NCAPH: variants seen among roughly 807,000 people sequenced by gnomAD.
NCAPH encodes the protein non-SMC condensin I complex subunit H.
Under a neutral mutation model 85.5 loss-of-function variants are expected in NCAPH, and 38 were observed. The ratio of observed to expected loss-of-function variants is 0.44; its 90% confidence interval spans 0.34 to 0.58. The LOEUF is 0.58. NCAPH is among the 20% of genes least tolerant of loss of function. NCAPH has a pLI of 0.01. For synonymous variants in NCAPH, 301 were observed against 335.1 expected, an observed-to-expected ratio of 0.90 and a Z score of 1.11; for missense variants, 789 against 916.6, an observed-to-expected ratio of 0.86 and a Z score of 1.80.
intron 9 of NCAPH, 81 bp from the exon 10 acceptor site, chr2:96,358,964 C>T: frequency 9.5e-6 from 13 of 1,372,838 alleles, no homozygotes; most frequent in Non-Finnish European, 1.3e-5. Context: ...AGAAATGCAG[C>T]TCATTTGCGG....
intron 8 of NCAPH, 136 bp downstream of exon 8, chr2:96,353,533 G>A (rs2064478979): frequency 4.0e-6 from 3 of 757,354 alleles, no homozygotes. Flanking sequence ...ACTTCTGTAG[G>A]GACAAAAACC....
At position 96,359,085 on chromosome 2, in the gene NCAPH, A is replaced by C; in HGVS notation, c.1249A>C (p.Met417Leu). 1 of 1,614,202 alleles carries C rather than the reference A, an allele frequency of 6.2e-7. No homozygotes were observed. Among genetic ancestry groups the C allele is most frequent in the Non-Finnish European group, 8.5e-7 (1 of 1,180,026 alleles). Residue 417 changes from methionine to leucine, a missense_variant, in exon 10 of 18, where the codon ATG becomes CTG. By Grantham distance (15) the Met-to-Leu change is conservative. Coordinates refer to ENST00000240423, the MANE Select transcript of NCAPH (RefSeq NM_015341.5). ...CCTTGGGGATGGAGACATCAGGACCATGTGCCCCCTTCTGTCTATGAAACC... is the reference window on the plus strand; with the variant it reads ...CCTTGGGGATGGAGACATCAGGACCCTGTGCCCCCTTCTGTCTATGAAACC... ...ISLGDGDIRT[M>L]CPLLSMKPGE...
At chr2:96,344,356 T>A (rs2064336373) in intron 6 of NCAPH, 127 bp downstream of exon 6, 1 of 1,012,572 alleles carries the variant, frequency 9.9e-7, no homozygotes, top group African/African-American at 1.6e-5. Flanking sequence ...AATATTCAAC[T>A]GATATCTCTG....
chr2:96,364,681 AC>A, intron 13 of NCAPH, 90 bp downstream of exon 13: 1 of 912,012 alleles, frequency 1.1e-6, no homozygotes, highest in Non-Finnish European at 1.7e-6. Context: ...ATGGTGGGAG[AC>A]TGTTGGCAAT....
At chr2:96,335,976 G>A (rs2064207583) in intron 1 of NCAPH, 128 bp downstream of exon 1, 2 of 1,033,562 alleles carry the variant, frequency 1.9e-6, no homozygotes, top group Non-Finnish European at 2.6e-6. Flanking sequence ...TGGCCCTGCG[G>A]CTGACAGCAG....
intron 9 of NCAPH, 113 bp downstream of exon 9, chr2:96,354,501 A>C: frequency 1.1e-6 from 1 of 919,980 alleles, no homozygotes; most frequent in Non-Finnish European, 1.5e-6. Context: ...TCCCCCCCCA[A>C]AAATAGAGAC....
At chr2:96,352,834 G>A (rs868340996) in intron 7 of NCAPH, among the ~76,000 whole-genome samples, 1 of 152,144 alleles carries the variant, frequency 6.6e-6, no homozygotes. Flanking sequence ...TTGTGCTAAC[G>A]ATCTATTTTC....
intron 15 of NCAPH, 36 bp from the exon 16 acceptor site, chr2:96,368,936 C>T: frequency 6.5e-7 from 1 of 1,544,208 alleles, no homozygotes; most frequent in Non-Finnish European, 8.8e-7. Context: ...AGTGCACTAG[C>T]CCTAACTGTC....
intron 13 of NCAPH, 38 bp from the exon 14 acceptor site, chr2:96,365,838 C>T (rs2064689921): frequency 1.2e-6 from 2 of 1,607,590 alleles, no homozygotes; most frequent in African/African-American, 1.3e-5. Flanking sequence ...AGCTCCTCTG[C>T]AGCGTCCACC....
At chr2:96,361,140 C>T (rs952804691) in intron 12 of NCAPH, among the ~76,000 whole-genome samples, 2 of 148,700 alleles carry the variant, frequency 1.3e-5, no homozygotes, top group Non-Finnish European at 3.0e-5. Context: ...CCTCTCCCTC[C>T]TGGGTTCAAG....
At position 96,335,826 on chromosome 2, in the gene NCAPH, A is replaced by C. The variant is rs2104402785; in HGVS notation, c.-4A>C. The C allele has an allele frequency of 6.7e-7, 1 of 1,497,578 alleles. No individual in the cohort carries two copies. Among genetic ancestry groups the C allele is most frequent in the Non-Finnish European group, 8.9e-7 (1 of 1,126,282 alleles). The allele number at this position is 1,497,578 out of a possible 1,614,324, so 92.8% of individuals were successfully genotyped here. ...AAAACCAGCTCAGGAGACGCCAAGG[A>C]AAGATGGGACCTCCCGGCCCAGGTG... On this transcript the variant is annotated 5_prime_UTR_variant, in exon 1 of 18. Coordinates refer to ENST00000240423, the MANE Select transcript of NCAPH (RefSeq NM_015341.5).
intron 14 of NCAPH, 91 bp downstream of exon 14, chr2:96,366,149 C>G: frequency 7.2e-7 from 1 of 1,393,196 alleles, no homozygotes; most frequent in Non-Finnish European, 9.8e-7. Context: ...AGCTTGATTT[C>G]TTTTCTTCTC....
Position 96,360,280 on chromosome 2 carries a change from A to C in NCAPH, c.1464+31A>C, listed in dbSNP as rs773567228. ...TACTGAATTTATTAGGATTGTGCTTACTCGTTTTTCCCTTTCAGATGTGAT... is the reference window on the plus strand; with the variant it reads ...TACTGAATTTATTAGGATTGTGCTTCCTCGTTTTTCCCTTTCAGATGTGAT... On this transcript the variant is annotated intron_variant, in intron 11 of 17. Coordinates refer to ENST00000240423, the MANE Select transcript of NCAPH (RefSeq NM_015341.5). The C allele has an allele frequency of 1.1e-5, 13 of 1,231,992 alleles. 1 individual carries two copies. In the South Asian group the frequency reaches 1.7e-4, roughly 16 times the overall value. The allele number at this position is 1,231,992 out of a possible 1,614,324, so 76.3% of individuals were successfully genotyped here.
At chr2:96,359,290 G>A in intron 10 of NCAPH, 97 bp downstream of exon 10, 3 of 1,458,090 alleles carry the variant, frequency 2.1e-6, no homozygotes, top group East Asian at 4.6e-5. Flanking sequence ...TCACAGCCCT[G>A]TTGTGTCTCT....
At chr2:96,348,306 C>T (rs998623330) in intron 6 of NCAPH, among the ~76,000 whole-genome samples, 16 of 151,740 alleles carry the variant, frequency 1.1e-4, no homozygotes, top group Admixed American at 3.3e-4. Flanking sequence ...TCTCCTGCCT[C>T]AGCCTCCAGA....
chr2:96,356,215 C>T (rs972820159), intron 9 of NCAPH, among the ~76,000 whole-genome samples: 2 of 152,208 alleles, frequency 1.3e-5, no homozygotes, highest in African/African-American at 4.8e-5. Flanking sequence ...GGCTGCAGTT[C>T]TAGTCTCAGA....
chr2:96,344,003 C>T (rs1168868957), intron 5 of NCAPH, 102 bp from the exon 6 acceptor site: 3 of 1,451,716 alleles, frequency 2.1e-6, no homozygotes, highest in South Asian at 2.7e-5. Context: ...CACCTGGCCT[C>T]ACATGTTTAA....
At position 96,360,667 on chromosome 2, in the gene NCAPH, A is replaced by T; in HGVS notation, c.1544A>T (p.Asn515Ile). ...ATTLPTDFNYNVDTLVQLHLK... is the reference protein window; with the variant it reads ...ATTLPTDFNYIVDTLVQLHLK... ...ACCCTTCCTACAGATTTCAACTACAATGTTGACACTCTGGTCCAGCTTCAC... is the reference window on the plus strand; with the variant it reads ...ACCCTTCCTACAGATTTCAACTACATTGTTGACACTCTGGTCCAGCTTCAC... The change falls in exon 12 of 18, where the codon AAT (asparagine) becomes ATT (isoleucine). Residue 515 changes from asparagine (N) to isoleucine (I), a missense_variant. Asn to Ile is a moderately radical substitution (Grantham distance 149). Coordinates refer to ENST00000240423, the MANE Select transcript of NCAPH (RefSeq NM_015341.5). The T allele has an allele frequency of 6.2e-7, 1 of 1,614,156 alleles. No individual in the cohort carries two copies. The highest frequency in any genetic ancestry group is 8.5e-7 in the Non-Finnish European group (1 of 1,180,000).
Position 96,351,923 on chromosome 2 carries a change from A to G in NCAPH, c.813A>G (p.Arg271=). The G allele has an allele frequency of 6.2e-7, 1 of 1,613,944 alleles. No individual in the cohort carries two copies. The highest frequency in any genetic ancestry group is 8.5e-7 in the Non-Finnish European group (1 of 1,179,822). Residue 271 remains arginine (R), a synonymous_variant, in exon 7 of 18, where the codon AGA becomes AGG. Transcript: ENST00000240423. ...FLSTLHCQDY[R]SELLFPSDVQ... ...CCACTCTCCACTGCCAGGACTACAG[A>G]AGTGAACTGCTGTTTCCCTCTGATG...
Sources: allele counts gnomAD v4.1 joint callset (sites outside exome capture counted in the v4.1 genomes callset), GRCh38; gene constraint gnomAD v4.1.1; transcripts MANE v1.5; gene names NCBI Gene and HGNC (gene_info 2026-07-23, HGNC 2026-07-21).